The following FBXL13 variants were observed in gnomAD, a reference collection of about 807,000 sequenced individuals.
FBXL13 encodes F-box and leucine rich repeat protein 13.
FBXL13 carries 67 observed loss-of-function variants against 83.6 expected under a neutral mutation model. The ratio of observed to expected loss-of-function variants is 0.80; its 90% CI spans 0.66 to 0.98. FBXL13 has a LOEUF of 0.98. Among genes scored for constraint, FBXL13 ranks in the 50% least tolerant of loss-of-function variants. The probability of loss-of-function intolerance (pLI) is 0.00; values close to 1 mark genes in which losing one functional copy is unlikely to be tolerated. For missense variants in FBXL13, 822 were observed against 866.5 expected (o/e 0.95, Z 0.64); for synonymous variants, 272 against 299.5 (o/e 0.91, Z 0.95).
chr7:103,034,980 T>A (rs1260937517), intron 2 of FBXL13, among the ~76,000 whole-genome samples: 2 of 152,220 alleles, frequency 1.3e-5, no homozygotes, highest in African/African-American at 4.8e-5. Context: ...AAAGTTTAAG[T>A]ATTGCCACAA....
intron 1 of FBXL13, among the ~76,000 whole-genome samples, chr7:103,063,289 C>G (rs990072848): frequency 1.3e-5 from 2 of 152,162 alleles, no homozygotes; most frequent in Non-Finnish European, 2.9e-5. Context: ...AATGTTTCCT[C>G]TTGTCATTAT....
intron 2 of FBXL13, among the ~76,000 whole-genome samples, chr7:103,047,977 T>C (rs1465188897): frequency 6.6e-6 from 1 of 152,246 alleles, no homozygotes; most frequent in Non-Finnish European, 1.5e-5. Flanking sequence ...ATTACAGGCA[T>C]GAGCCACTGT....
chr7:102,870,247 AT>A (rs1808344828), intron 16 of FBXL13, among the ~76,000 whole-genome samples: 1 of 152,202 alleles, frequency 6.6e-6, no homozygotes, highest in Non-Finnish European at 1.5e-5. Flanking sequence ...TGTGGCAGAG[AT>A]AATATACAGC....
chr7:102,848,785 G>C (rs1388181803), intron 17 of FBXL13, among the ~76,000 whole-genome samples: 1 of 152,046 alleles, frequency 6.6e-6, no homozygotes, highest in Non-Finnish European at 1.5e-5. Context: ...CCTGAGGTGA[G>C]GTCAGGAGTT....
chr7:102,855,341 A>G (rs1428750513), intron 16 of FBXL13, among the ~76,000 whole-genome samples: 1 of 152,234 alleles, frequency 6.6e-6, no homozygotes, highest in African/African-American at 2.4e-5. Flanking sequence ...ATAAAGGCCT[A>G]GAGACAGATA....
intron 8 of FBXL13, among the ~76,000 whole-genome samples, chr7:102,955,938 G>C (rs952051940): frequency 6.6e-6 from 1 of 152,078 alleles, no homozygotes; most frequent in African/African-American, 2.4e-5. Flanking sequence ...ATTCACAGCC[G>C]AATTCTACCA....
At chr7:102,954,932 CA>C in intron 8 of FBXL13, among the ~76,000 whole-genome samples, 1 of 152,236 alleles carries the variant, frequency 6.6e-6, no homozygotes, top group East Asian at 1.9e-4. Flanking sequence ...GACTCCCACA[CA>C]ATAATAAGGG....
intron 6 of FBXL13, among the ~76,000 whole-genome samples, chr7:102,996,030 G>C (rs1789749906): frequency 6.6e-6 from 1 of 152,122 alleles, no homozygotes; most frequent in Non-Finnish European, 1.5e-5. Flanking sequence ...GGGTGAGGTA[G>C]TTTTAAAGAT....
At chr7:103,022,670 A>C (rs979589419) in intron 6 of FBXL13, among the ~76,000 whole-genome samples, 3 of 152,156 alleles carry the variant, frequency 2.0e-5, no homozygotes, top group Non-Finnish European at 4.4e-5. Context: ...TACAAAAATC[A>C]ACTCAATATA....
At chr7:102,990,852 C>T (rs1239094891) in intron 6 of FBXL13, among the ~76,000 whole-genome samples, 1 of 152,176 alleles carries the variant, frequency 6.6e-6, no homozygotes, top group Admixed American at 6.5e-5. Context: ...TGGCTACAGC[C>T]AAGGGCTCGT....
intron 6 of FBXL13, among the ~76,000 whole-genome samples, chr7:102,987,215 G>A (rs1829077269): frequency 6.6e-6 from 1 of 152,014 alleles, no homozygotes. Flanking sequence ...CTATTCAGGT[G>A]ACAGGTACCC....
At chr7:103,055,738 A>C (rs1212052229) in exon 2 of FBXL13, 1 of 1,267,436 alleles carries the variant, frequency 7.9e-7, no homozygotes, top group Non-Finnish European at 1.0e-6. Flanking sequence ...AGTATACCAC[A>C]TAACAGTGCC....
rs77548497 is a variant in FBXL13, at chr7:102,885,279, C to T, written c.1009-967G>A. On this transcript the variant is annotated intron_variant, in intron 11 of 19. Coordinates refer to ENST00000313221, the Ensembl canonical transcript of FBXL13. ...TAAGTGTTCCAATTTCTCCACATCA[C>T]CAACACTTATTTCCCATTAAAACAA... Among the ~76,000 whole-genome samples, 8 of 152,310 alleles carry T rather than the reference C, an allele frequency of 5.3e-5. No homozygotes were observed. In the South Asian group the frequency reaches 1.5e-3, roughly 28 times the overall value.
Position 102,964,774 on chromosome 7 carries a change from G to A in FBXL13, c.592-1109C>T, listed in dbSNP as rs1825800984. Among the ~76,000 whole-genome samples, 3 of 152,140 alleles carry A rather than the reference G, an allele frequency of 2.0e-5. No homozygotes were observed. In the South Asian group the frequency reaches 6.2e-4, roughly 32 times the overall value. On this transcript the variant is annotated intron_variant, in intron 7 of 19. Coordinates refer to ENST00000313221, the Ensembl canonical transcript of FBXL13. ...ACTTCTAAGAATTTATTCTGCCGAT[G>A]TAATCATACATGTATACAATGCAAC...
At chr7:103,056,820 T>C (rs1797384286) in intron 1 of FBXL13, among the ~76,000 whole-genome samples, 1 of 149,366 alleles carries the variant, frequency 6.7e-6, no homozygotes, top group South Asian at 2.2e-4. Context: ...CGCCAACATC[T>C]ATTTTTTTTT....
chr7:102,880,406 C>T (rs1433302477), intron 14 of FBXL13, among the ~76,000 whole-genome samples: 2 of 152,192 alleles, frequency 1.3e-5, no homozygotes, highest in Non-Finnish European at 2.9e-5. Context: ...CTATACTTCT[C>T]TCCTCTGTGA....
At chr7:102,998,622 A>G (rs1790062912) in intron 6 of FBXL13, among the ~76,000 whole-genome samples, 1 of 152,094 alleles carries the variant, frequency 6.6e-6, no homozygotes, top group Admixed American at 6.5e-5. Context: ...ACTTTACTGA[A>G]TTTGATTATC....
intron 6 of FBXL13, chr7:102,973,370 A>C: frequency 1.5e-6 from 1 of 673,344 alleles, no homozygotes; most frequent in Non-Finnish European, 2.7e-6. Flanking sequence ...CCTGGCCGGA[A>C]GACACGTACC....
chr7:102,924,151 T>C (rs1479070187), intron 10 of FBXL13, among the ~76,000 whole-genome samples: 2 of 151,826 alleles, frequency 1.3e-5, no homozygotes, highest in Non-Finnish European at 2.9e-5. Flanking sequence ...GGCAGGAGAA[T>C]TGCTTGAACC....
Sources: allele counts gnomAD v4.1 joint callset (sites outside exome capture counted in the v4.1 genomes callset), GRCh38; gene constraint gnomAD v4.1.1; transcripts MANE v1.5; gene names NCBI Gene and HGNC (gene_info 2026-07-23, HGNC 2026-07-21).